Variants in AMZ1 observed in about 807,000 individuals in gnomAD.
AMZ1 encodes the protein archaemetzincin-1.
In AMZ1, 39 loss-of-function variants were observed where a neutral mutation model predicts 29.9. The ratio of observed to expected loss-of-function variants is 1.30; its 90% CI spans 1.01 to 1.70. The LOEUF is 1.70. Among genes scored for constraint, AMZ1 ranks in the 40% most tolerant of loss-of-function variants. The pLI, the probability that AMZ1 is intolerant of heterozygous loss-of-function variation, is 0.00. For missense variants in AMZ1, 1,041 were observed against 680.6 expected, an observed-to-expected ratio of 1.53 and a Z score of -5.89; for synonymous variants, 458 against 304.0, an observed-to-expected ratio of 1.51 and a Z score of -5.27.
At position 2,719,382 on chromosome 7, in the gene AMZ1, A is replaced by C. The variant is rs1351508806; in HGVS notation, c.*6504A>C. On this transcript the variant is annotated 3_prime_UTR_variant, in exon 7 of 7. Transcript: ENST00000683327. ...GGGCAAAGGCCCGCGCGCCTGGCAG[A>C]GCTCCCTCCTCTGCTCCAACAGCAG... Among the ~76,000 whole-genome samples the C allele has an allele frequency of 2.0e-5, 3 of 152,222 alleles. No homozygotes were observed. The highest frequency in any genetic ancestry group is 2.9e-5 in the Non-Finnish European group (2 of 68,036).
chr7:2,728,313 T>G (rs1789712724), intron 4 of AMZ1: 1 of 152,292 alleles, frequency 6.6e-6, no homozygotes. Context: ...CCTAAATTAG[T>G]TACAACTAAT....
intron 4 of AMZ1, among the ~76,000 whole-genome samples, chr7:2,758,939 G>A (rs767614500): frequency 1.3e-5 from 2 of 151,980 alleles, no homozygotes; most frequent in Non-Finnish European, 1.5e-5. Context: ...TCAGGAGTTC[G>A]AGACCAGCCT....
In AMZ1 at chr7:2,731,424, C is replaced by T. The variant is rs1789889026; in HGVS notation, n.550+21608C>T. 1.9e-6 allele frequency: 3 copies of T among 1,613,388 alleles called. No individual in the cohort carries two copies. The highest frequency in any genetic ancestry group is 2.2e-5 in the East Asian group (1 of 44,862). On this transcript the variant is annotated intron_variant and non_coding_transcript_variant, in intron 4 of 4. Coordinates refer to the AMZ1 transcript ENST00000489665. The surrounding 1 kb of genome is among the most constrained non-coding windows in gnomAD (Gnocchi z 6.0). Reference sequence around the variant, plus strand: ...TGCTCACGGTCTTCACCTTCTCCACCAGGAGGTCCATCTTGTTGAGGAAGA... The same window carrying T: ...TGCTCACGGTCTTCACCTTCTCCACTAGGAGGTCCATCTTGTTGAGGAAGA...
At chr7:2,691,822 C>T (rs532822397) in intron 1 of AMZ1, among the ~76,000 whole-genome samples, 102 of 151,768 alleles carry the variant, frequency 6.7e-4, no homozygotes, top group African/African-American at 1.5e-3. Context: ...CCAGGGTGCC[C>T]GCAGGTATTG....
intron 1 of AMZ1, among the ~76,000 whole-genome samples, chr7:2,696,402 G>GC (rs1366249646): frequency 6.0e-5 from 9 of 150,680 alleles, no homozygotes; most frequent in South Asian, 4.2e-4. Context: ...GACTACAGGC[G>GC]CCCGCCACCA....
intron 1 of AMZ1, among the ~76,000 whole-genome samples, chr7:2,692,025 C>T (rs1460883126): frequency 4.6e-5 from 7 of 152,148 alleles, no homozygotes; most frequent in African/African-American, 1.2e-4. Flanking sequence ...CCCTTGTGGG[C>T]GGCAGTGCTG....
upstream of AMZ1, chr7:2,760,349 C>G (rs1791499052): frequency 6.6e-6 from 1 of 152,398 alleles, no homozygotes; most frequent in Non-Finnish European, 1.5e-5. Context: ...TACCAGTACA[C>G]CAGGGGGACA....
intron 4 of AMZ1, among the ~76,000 whole-genome samples, chr7:2,725,691 A>T (rs1479212990): frequency 6.6e-6 from 1 of 152,202 alleles, no homozygotes; most frequent in East Asian, 1.9e-4. Context: ...CGAAAACCGT[A>T]GACTCTGCCT....
At chr7:2,743,696 A>T (rs1463997752) in intron 4 of AMZ1, among the ~76,000 whole-genome samples, 2 of 152,104 alleles carry the variant, frequency 1.3e-5, no homozygotes, top group Admixed American at 6.5e-5. Flanking sequence ...GGCGCAGCGC[A>T]CTGTGCGCGA....
chr7:2,709,021 C>T (rs999416525), intron 4 of AMZ1, 54 bp from the exon 5 acceptor site: 3 of 1,512,258 alleles, frequency 2.0e-6, no homozygotes, highest in Admixed American at 2.2e-5. Flanking sequence ...GACGGTGGGC[C>T]CCCCAGAGCC....
chr7:2,762,723 C>A, upstream of AMZ1: 1 of 1,560,784 alleles, frequency 6.4e-7, no homozygotes, highest in Non-Finnish European at 8.7e-7. Context: ...GGGAAGCAGG[C>A]CCCATGTCCT....
intron 4 of AMZ1, among the ~76,000 whole-genome samples, chr7:2,739,920 G>A (rs938046942): frequency 3.3e-5 from 5 of 152,102 alleles, no homozygotes; most frequent in African/African-American, 4.8e-5. Context: ...TGATCCGCCC[G>A]CCTTGGCCTC....
chr7:2,758,773 T>C (rs1791418855), intron 4 of AMZ1, among the ~76,000 whole-genome samples: 1 of 152,180 alleles, frequency 6.6e-6, no homozygotes, highest in South Asian at 2.1e-4. Context: ...GTTCAGTGGA[T>C]AATCAAGTGC....
chr7:2,738,274 G>C (rs1323754609), intron 4 of AMZ1, among the ~76,000 whole-genome samples: 1 of 144,842 alleles, frequency 6.9e-6, no homozygotes, highest in Non-Finnish European at 1.5e-5. Context: ...AACAGAGTGA[G>C]GCTCCATCTA....
intron 4 of AMZ1, among the ~76,000 whole-genome samples, chr7:2,756,290 A>G (rs1791290416): frequency 1.3e-5 from 2 of 152,222 alleles, no homozygotes; most frequent in African/African-American, 4.8e-5. Flanking sequence ...GAAAATCAAA[A>G]AAGGACATTG....
In AMZ1 at chr7:2,731,285, G is replaced by A; in HGVS notation, n.550+21469G>A. The A allele has an allele frequency of 6.2e-7, 1 of 1,612,310 alleles. No individual in the cohort carries two copies. On this transcript the variant is annotated intron_variant and non_coding_transcript_variant, in intron 4 of 4. Coordinates refer to the AMZ1 transcript ENST00000489665. This position sits in a 1 kb window ranked among gnomAD's most constrained non-coding sequence, Gnocchi z 6.0. ...GTGTCGATGGCGGTGGTGAAGTGGT[G>A]GAAGAGTGGCTTGCTGCGGTTCCGT...
At chr7:2,728,188 C>G (rs1789706095) in intron 4 of AMZ1, 1 of 152,280 alleles carries the variant, frequency 6.6e-6, no homozygotes, top group African/African-American at 2.4e-5. Context: ...GCCAGACCCT[C>G]CCAATGTTAA....
intron 1 of AMZ1, among the ~76,000 whole-genome samples, chr7:2,690,418 C>A (rs938923878): frequency 6.6e-6 from 1 of 152,136 alleles, no homozygotes; most frequent in East Asian, 1.9e-4. Context: ...CGGGGTTTTG[C>A]CATATTTCCC....
At position 2,709,156 on chromosome 7, in the gene AMZ1, A is replaced by G; in HGVS notation, c.683A>G (p.Glu228Gly). Residue 228 changes from glutamate (E) to glycine (G), a missense_variant, in exon 5 of 7, where the codon GAG (glutamate) becomes GGG (glycine). Physicochemically the swap from Glu to Gly is moderately conservative, Grantham distance 98. Transcript: ENST00000683327. ...GPSAPDLALV[E>G]AAADGPEAPL... ...AGCGCCCCTGATCTGGCCCTGGTAGAGGCAGCAGCAGACGGCCCCGAGGCC... is the reference window on the plus strand; with the variant it reads ...AGCGCCCCTGATCTGGCCCTGGTAGGGGCAGCAGCAGACGGCCCCGAGGCC... 1 of 1,574,236 alleles carries G rather than the reference A, an allele frequency of 6.4e-7. No individual in the cohort carries two copies. The highest frequency in any genetic ancestry group is 8.6e-7 in the Non-Finnish European group (1 of 1,161,800).
Sources: gnomAD v4.1 joint callset for allele counts (sites outside exome capture counted in the v4.1 genomes callset) on GRCh38, gnomAD v4.1.1 for gene constraint, Gnocchi (gnomAD v3.1) non-coding constraint, MANE v1.5 for transcripts, NCBI Gene and HGNC (gene_info 2026-07-23, HGNC 2026-07-21) for gene names.